The following SNTB1 variants were observed in gnomAD, a reference collection of about 807,000 sequenced individuals.
SNTB1 encodes the protein beta-1-syntrophin.
Under a neutral mutation model 48.9 loss-of-function variants are expected in SNTB1, and 36 were observed. The observed-to-expected ratio is 0.74, with a 90% CI of 0.56 to 0.97. The LOEUF (loss-of-function observed/expected upper bound fraction) is 0.97. Ranked by LOEUF, SNTB1 falls within the 50% of genes least tolerant of loss-of-function variation. SNTB1 has a pLI of 0.00. For synonymous variants in SNTB1, 299 were observed against 294.6 expected (o/e 1.01, Z -0.15); for missense variants, 786 against 703.4 (o/e 1.12, Z -1.33).
chr8:120,548,752 C>T lies in SNTB1; in HGVS notation c.1333+10G>A, dbSNP rs1329435056. ...ACAATGTGTCCTTGGTAGCTCACTG[C>T]AGTACTCACCAGTGCTGATTTCAGC... On this transcript the variant is annotated intron_variant, in intron 5 of 6. Coordinates refer to ENST00000517992, the MANE Select transcript of SNTB1 (RefSeq NM_021021.4). 22 of 1,612,860 alleles carry T rather than the reference C, an allele frequency of 1.4e-5. No homozygotes were observed. Among genetic ancestry groups the T allele is most frequent in the Non-Finnish European group, 1.9e-5 (22 of 1,178,930 alleles).
At chr8:120,666,536 G>C (rs778665915) in intron 2 of SNTB1, among the ~76,000 whole-genome samples, 5 of 151,946 alleles carry the variant, frequency 3.3e-5, no homozygotes, top group African/African-American at 9.7e-5. Context: ...TTTAATACTG[G>C]TGTTGAGCTT....
chr8:120,739,855 A>G (rs1448464039), intron 1 of SNTB1, among the ~76,000 whole-genome samples: 1 of 152,062 alleles, frequency 6.6e-6, no homozygotes, highest in East Asian at 1.9e-4. Context: ...TGTCGCTATT[A>G]CTCCCATTTT....
intron 1 of SNTB1, among the ~76,000 whole-genome samples, chr8:120,708,074 C>A (rs75975071): frequency 0.098 from 14,866 of 151,270 alleles, 715 homozygotes; most frequent in African/African-American, 0.12. Context: ...GTATTATAAA[C>A]AAAAGGGGAA....
At chr8:120,625,421 C>T (rs1012471051) in intron 3 of SNTB1, among the ~76,000 whole-genome samples, 4 of 152,214 alleles carry the variant, frequency 2.6e-5, no homozygotes, top group African/African-American at 9.6e-5. Flanking sequence ...GAGAACAATT[C>T]ACTTTACTAA....
intron 2 of SNTB1, among the ~76,000 whole-genome samples, chr8:120,668,289 T>A (rs187962975): frequency 2.6e-5 from 4 of 152,256 alleles, no homozygotes; most frequent in South Asian, 2.1e-4. Context: ...CTCTCAGGAG[T>A]CATTGCCTGA....
intron 4 of SNTB1, among the ~76,000 whole-genome samples, chr8:120,572,017 T>G (rs7820041): frequency 0.48 from 73,363 of 151,324 alleles, 19,421 homozygotes; most frequent in Non-Finnish European, 0.62. Context: ...CCACCCCCGC[T>G]GCTGGTCTTC....
chr8:120,739,974 C>T (rs1311504124), intron 1 of SNTB1, among the ~76,000 whole-genome samples: 2 of 152,088 alleles, frequency 1.3e-5, no homozygotes, highest in African/African-American at 4.8e-5. Flanking sequence ...CATACATGAC[C>T]CCATGTTCCT....
intron 1 of SNTB1, among the ~76,000 whole-genome samples, chr8:120,754,046 G>A (rs909110750): frequency 6.6e-6 from 1 of 152,064 alleles, no homozygotes; most frequent in Non-Finnish European, 1.5e-5. Flanking sequence ...TAATACCATG[G>A]ATAAAAGAAA....
intron 3 of SNTB1, among the ~76,000 whole-genome samples, chr8:120,587,788 T>C (rs1048236370): frequency 6.6e-6 from 1 of 152,196 alleles, no homozygotes; most frequent in Non-Finnish European, 1.5e-5. Flanking sequence ...CAGAAATGGA[T>C]GAAAGGCTGC....
chr8:120,683,925 T>A (rs551280674), intron 2 of SNTB1, among the ~76,000 whole-genome samples: 17 of 152,322 alleles, frequency 1.1e-4, no homozygotes, highest in African/African-American at 4.1e-4. Context: ...CAAACATGAT[T>A]ATATTATTGG....
rs2130652103 is a variant in SNTB1 at position 120,548,941 on chromosome 8, G to A, written c.1154C>T (p.Pro385Leu). 3 of 1,585,364 alleles carry A rather than the reference G, an allele frequency of 1.9e-6. No homozygotes were observed. In the East Asian group the frequency reaches 6.7e-5, roughly 36 times the overall value. The change falls in exon 5 of 7, where the codon CCA (proline) becomes CTA (leucine). Residue 385 changes from proline to leucine, a missense_variant. Coordinates refer to ENST00000517992, the MANE Select transcript of SNTB1 (RefSeq NM_021021.4). Reference sequence around the variant, plus strand: ...ACCAGCCTGGGGTGATCCCTTTCCTGGACCTGAATGGACCAGCCTGGAGAG... The same window carrying A: ...ACCAGCCTGGGGTGATCCCTTTCCTAGACCTGAATGGACCAGCCTGGAGAG... ...LLATRLVHSG[P>L]GKGSPQAGVD...
intron 1 of SNTB1, among the ~76,000 whole-genome samples, chr8:120,694,750 T>C (rs1818184889): frequency 6.6e-6 from 1 of 152,024 alleles, no homozygotes. Flanking sequence ...TATTTCTGGG[T>C]AGAAATATAA....
chr8:120,571,277 C>G, intron 4 of SNTB1: 1 of 1,285,766 alleles, frequency 7.8e-7, no homozygotes, highest in Non-Finnish European at 1.0e-6. Flanking sequence ...TTCTTAGTAA[C>G]TGGAATCCAG....
At chr8:120,694,111 T>C (rs1481585387) in intron 1 of SNTB1, among the ~76,000 whole-genome samples, 1 of 152,238 alleles carries the variant, frequency 6.6e-6, no homozygotes, top group East Asian at 1.9e-4. Context: ...TCTTAGAACT[T>C]GCTGTTATGA....
intron 2 of SNTB1, among the ~76,000 whole-genome samples, chr8:120,676,722 A>G (rs781214343): frequency 2.0e-5 from 3 of 152,190 alleles, no homozygotes; most frequent in African/African-American, 7.2e-5. Context: ...ACTAGGAAAA[A>G]AATGACCAAG....
intron 4 of SNTB1, among the ~76,000 whole-genome samples, chr8:120,555,748 G>A (rs1462828462): frequency 6.6e-6 from 1 of 152,092 alleles, no homozygotes; most frequent in East Asian, 1.9e-4. Flanking sequence ...CCTACAAGGA[G>A]GTAATAAAGG....
chr8:120,797,778 C>G (rs1041778033), intron 1 of SNTB1, among the ~76,000 whole-genome samples: 7 of 151,892 alleles, frequency 4.6e-5, no homozygotes, highest in Admixed American at 3.9e-4. Context: ...TGTATTAACT[C>G]TTAATCGTCA....
Position 120,548,921 on chromosome 8 carries a change from C to A in SNTB1, c.1174G>T (p.Ala392Ser), listed in dbSNP as rs779386567. ...GTTGCAAAGGACAGATCCACACCAG[C>A]CTGGGGTGATCCCTTTCCTGGACCT... ...HSGPGKGSPQ[A>S]GVDLSFATRT... Residue 392 changes from alanine to serine, a missense_variant, in exon 5 of 7, where the codon GCT becomes TCT. Coordinates refer to ENST00000517992, the MANE Select transcript of SNTB1 (RefSeq NM_021021.4). 1.2e-6 allele frequency: 2 copies of A among 1,603,652 alleles called. No individual in the cohort carries two copies. Among genetic ancestry groups the A allele is most frequent in the East Asian group, 4.5e-5 (2 of 44,806 alleles).
chr8:120,644,756 T>G (rs940810678), intron 2 of SNTB1, among the ~76,000 whole-genome samples: 1 of 149,636 alleles, frequency 6.7e-6, no homozygotes, highest in African/African-American at 2.4e-5. Context: ...CCACAATGGT[T>G]GAACTAGTTT....
Sources: allele counts gnomAD v4.1 joint callset (sites outside exome capture counted in the v4.1 genomes callset), GRCh38; gene constraint gnomAD v4.1.1; transcripts MANE v1.5; gene names NCBI Gene and HGNC (gene_info 2026-07-23, HGNC 2026-07-21).